Variants in TMEM212 observed in about 807,000 individuals in gnomAD.
The protein encoded by TMEM212 is transmembrane protein 212.
Under a neutral mutation model 20.5 loss-of-function variants are expected in TMEM212, and 23 were observed. The ratio of observed to expected loss-of-function variants is 1.12; its 90% CI spans 0.81 to 1.59. The LOEUF (loss-of-function observed/expected upper bound fraction) is 1.59. TMEM212 is among the 40% of genes most tolerant of loss of function. The pLI, the probability that TMEM212 is intolerant of heterozygous loss-of-function variation, is 0.00. For synonymous variants in TMEM212, 76 were observed against 81.6 expected, an observed-to-expected ratio of 0.93 and a Z score of 0.37; for missense variants, 211 against 215.0, an observed-to-expected ratio of 0.98 and a Z score of 0.12.
chr3:171,857,364 C>T (rs1476017840), intron 4 of TMEM212, among the ~76,000 whole-genome samples: 1 of 152,082 alleles, frequency 6.6e-6, no homozygotes, highest in African/African-American at 2.4e-5. Context: ...AACTACGACC[C>T]CGATCTGAGG....
chr3:171,845,735 T>C (rs776318167), intron 1 of TMEM212, among the ~76,000 whole-genome samples: 19 of 152,138 alleles, frequency 1.2e-4, no homozygotes, highest in Non-Finnish European at 2.1e-4. Flanking sequence ...GTCCTGACTT[T>C]GATGTTCTTG....
rs934231537 is a variant in TMEM212 at position 171,843,350 on chromosome 3, T to A, written c.-34T>A. ...ACGCTCATGTTTTGGTAACAAAACA[T>A]CTTTGAGACCAAGGCCTCAAGCCAC... On this transcript the variant is annotated 5_prime_UTR_variant, in exon 1 of 5. Coordinates refer to ENST00000334567, the MANE Select transcript of TMEM212 (RefSeq NM_001164436.2). 1 of 1,510,006 alleles carries A rather than the reference T, an allele frequency of 6.6e-7. No homozygotes were observed. The highest frequency in any genetic ancestry group is 8.8e-7 in the Non-Finnish European group (1 of 1,133,728). 93.5% of individuals were successfully genotyped at this position (1,510,006 alleles called of 1,614,324 possible).
intron 1 of TMEM212, among the ~76,000 whole-genome samples, chr3:171,849,945 A>G (rs1180227026): frequency 6.6e-6 from 1 of 152,014 alleles, no homozygotes; most frequent in East Asian, 1.9e-4. Context: ...ACTCACTGCC[A>G]GACACAGCCT....
At chr3:171,846,245 G>C (rs1325747016) in intron 1 of TMEM212, among the ~76,000 whole-genome samples, 1 of 152,086 alleles carries the variant, frequency 6.6e-6, no homozygotes, top group African/African-American at 2.4e-5. Context: ...TTCAATTCTT[G>C]ATTAATTCTT....
chr3:171,856,896 G>T, intron 4 of TMEM212, 189 bp downstream of exon 4: 1 of 406,242 alleles, frequency 2.5e-6, no homozygotes, highest in Non-Finnish European at 4.4e-6. Flanking sequence ...CTATGAAGCT[G>T]AAGGCATGTA....
chr3:171,846,603 G>A (rs1039141841), intron 1 of TMEM212, among the ~76,000 whole-genome samples: 2 of 152,136 alleles, frequency 1.3e-5, no homozygotes, highest in African/African-American at 4.8e-5. Flanking sequence ...CGTTCTGTTG[G>A]TACAGAATTT....
chr3:171,856,384 C>T (rs929906360), intron 3 of TMEM212, among the ~76,000 whole-genome samples: 1 of 152,152 alleles, frequency 6.6e-6, no homozygotes, highest in African/African-American at 2.4e-5. Flanking sequence ...ATAAGTGACA[C>T]TGTAAGTGCT....
In TMEM212 at chr3:171,843,424, C is replaced by A. The variant is rs1417383862; in HGVS notation, c.41C>A (p.Thr14Asn). 1 of 1,536,820 alleles carries A rather than the reference C, an allele frequency of 6.5e-7. No individual in the cohort carries two copies. Among genetic ancestry groups the A allele is most frequent in the East Asian group, 2.4e-5 (1 of 40,898 alleles). The change falls in exon 1 of 5, where the codon ACT becomes AAT. Residue 14 changes from threonine to asparagine, a missense_variant. Thr to Asn is a moderately conservative substitution (Grantham distance 65). Coordinates refer to ENST00000334567, the MANE Select transcript of TMEM212 (RefSeq NM_001164436.2). ...CAGGCTGCTGGCCGGATTCTTGTTA[C>A]TCTGGGGATCCTCAGTGTATGCTCT... ...LYQAAGRILV[T>N]LGILSVCSGV... is the part of the protein sequence containing the mutation.
chr3:171,852,918 A>G (rs2108381402), intron 2 of TMEM212, among the ~76,000 whole-genome samples: 1 of 152,336 alleles, frequency 6.6e-6, no homozygotes, highest in Middle Eastern at 3.4e-3. Context: ...GTGAGGCCTG[A>G]GATTCTGCAT....
intron 1 of TMEM212, among the ~76,000 whole-genome samples, chr3:171,846,234 C>T (rs59920769): frequency 0.19 from 28,929 of 152,146 alleles, 3,172 homozygotes; most frequent in East Asian, 0.27. Context: ...CCCTAGTCTC[C>T]TTCAATTCTT....
intron 3 of TMEM212, among the ~76,000 whole-genome samples, chr3:171,854,371 C>T (rs1300216021): frequency 6.6e-6 from 1 of 152,100 alleles, no homozygotes; most frequent in Non-Finnish European, 1.5e-5. Context: ...TGTGTTTCTA[C>T]ACACTAACAA....
intron 1 of TMEM212, among the ~76,000 whole-genome samples, chr3:171,851,258 A>G (rs1724970918): frequency 6.6e-6 from 1 of 152,212 alleles, no homozygotes; most frequent in African/African-American, 2.4e-5. Flanking sequence ...CTGTTGCTGA[A>G]TCAAAGAGCC....
At chr3:171,853,490 T>C in intron 2 of TMEM212, 37 bp from the exon 3 acceptor site, 1 of 1,503,506 alleles carries the variant, frequency 6.7e-7, no homozygotes, top group Non-Finnish European at 8.9e-7. Flanking sequence ...AAATATTTTG[T>C]TCCCAAAGTA....
chr3:171,850,871 C>T (rs898739167), intron 1 of TMEM212, among the ~76,000 whole-genome samples: 5 of 152,114 alleles, frequency 3.3e-5, no homozygotes, highest in Admixed American at 6.5e-5. Flanking sequence ...GTGTTTCCCT[C>T]TCTCTCAAAT....
At chr3:171,853,266 G>C (rs1725026394) in intron 2 of TMEM212, among the ~76,000 whole-genome samples, 1 of 150,812 alleles carries the variant, frequency 6.6e-6, no homozygotes, top group African/African-American at 2.4e-5. Context: ...TGTGGCACAT[G>C]TTAACCTATG....
chr3:171,853,586 A>T lies in TMEM212; in HGVS notation c.279A>T (p.Ala93=). 1 of 1,537,178 alleles carries T rather than the reference A, an allele frequency of 6.5e-7. No homozygotes were observed. Among genetic ancestry groups the T allele is most frequent in the Non-Finnish European group, 8.7e-7 (1 of 1,146,836 alleles). The part of the protein sequence containing the change: ...LSIMGCPLHF[A]IALESALLGP... ...TTATGGGATGTCCACTTCATTTTGC[A>T]ATAGCCTTGGAATCTGCTCTCCTGG... Residue 93 remains alanine, a synonymous_variant, in exon 3 of 5, where the codon GCA becomes GCT. Transcript: ENST00000334567.
chr3:171,854,959 A>G (rs1725078086), intron 3 of TMEM212, among the ~76,000 whole-genome samples: 1 of 152,200 alleles, frequency 6.6e-6, no homozygotes, highest in Non-Finnish European at 1.5e-5. Context: ...AACGTTAGTA[A>G]AAAGAAATTT....
chr3:171,850,790 T>G (rs1724959845), intron 1 of TMEM212, among the ~76,000 whole-genome samples: 1 of 152,212 alleles, frequency 6.6e-6, no homozygotes, highest in South Asian at 2.1e-4. Context: ...GGTATGGCGA[T>G]GCCAAGTCTG....
intron 1 of TMEM212, among the ~76,000 whole-genome samples, chr3:171,848,429 C>T (rs80220058): frequency 6.6e-6 from 1 of 152,152 alleles, no homozygotes; most frequent in Non-Finnish European, 1.5e-5. Flanking sequence ...TCACTCTATA[C>T]CCCCTTACCA....
Sources: allele counts gnomAD v4.1 joint callset (sites outside exome capture counted in the v4.1 genomes callset), GRCh38; gene constraint gnomAD v4.1.1; transcripts MANE v1.5; gene names NCBI Gene and HGNC (gene_info 2026-07-23, HGNC 2026-07-21).